GSTM5: variants seen among roughly 807,000 people sequenced by gnomAD.
GSTM5 encodes glutathione S-transferase mu 5.
A neutral mutation model predicts 29.0 loss-of-function variants in GSTM5; 24 were observed. That is an observed-to-expected ratio of 0.83 (90% CI 0.60 to 1.16). GSTM5 has a LOEUF of 1.16. Ranked by LOEUF, GSTM5 falls within the 50% of genes most tolerant of loss-of-function variation. The pLI is 0.00. For missense variants in GSTM5, 290 were observed against 263.0 expected (o/e 1.10, Z -0.71); for synonymous variants, 91 against 93.6 (o/e 0.97, Z 0.16).
In GSTM5 at chr1:109,713,671, A is replaced by G. The variant is rs1293742033; in HGVS notation, c.270A>G (p.Thr90=). Residue 90 remains threonine, a synonymous_variant, in exon 5 of 8, where the codon ACA becomes ACG. Coordinates refer to ENST00000256593, the MANE Select transcript of GSTM5 (RefSeq NM_000851.4). ...IARKHNLCGE[T]EEEKIRVDIL... ...TTTTGTGGGTGGCAGGTGGGGAGACAGAAGAGGAGAAGATTCGTGTGGACA... is the reference window on the plus strand; with the variant it reads ...TTTTGTGGGTGGCAGGTGGGGAGACGGAAGAGGAGAAGATTCGTGTGGACA... 1 of 1,614,084 alleles carries G rather than the reference A, an allele frequency of 6.2e-7. No homozygotes were observed. Among genetic ancestry groups the G allele is most frequent in the Non-Finnish European group, 8.5e-7 (1 of 1,180,044 alleles).
At chr1:109,712,905 C>A in intron 2 of GSTM5, 1 of 840,700 alleles carries the variant, frequency 1.2e-6, no homozygotes. Flanking sequence ...GTTGGGTGTC[C>A]CTCAGAGCTT....
At position 109,712,647 on chromosome 1, in the gene GSTM5, A is replaced by G; in HGVS notation, c.66A>G (p.Glu22=). 6.2e-7 allele frequency: 1 copy of G among 1,614,182 alleles called. No homozygotes were observed. The highest frequency in any genetic ancestry group is 8.5e-7 in the Non-Finnish European group (1 of 1,180,024). Reference sequence around the variant, plus strand: ...CCCACGCCATCCGCTTGCTCCTGGAATACACAGACTCAAGCTATGTGGAAA... The same window carrying G: ...CCCACGCCATCCGCTTGCTCCTGGAGTACACAGACTCAAGCTATGTGGAAA... ...GLAHAIRLLL[E]YTDSSYVEKK... The change falls in exon 2 of 8, where the codon GAA becomes GAG. Residue 22 remains glutamate, a synonymous_variant. Transcript: ENST00000256593.
chr1:109,713,376 G>C (rs2101313277), intron 3 of GSTM5, 108 bp from the exon 4 acceptor site: 1 of 1,498,252 alleles, frequency 6.7e-7, no homozygotes. Flanking sequence ...TTCTATCTCA[G>C]GCCTGCCATG....
intron 5 of GSTM5, 170 bp from the exon 6 acceptor site, chr1:109,714,777 T>A: frequency 1.5e-6 from 1 of 668,616 alleles, no homozygotes; most frequent in East Asian, 2.6e-5. Flanking sequence ...CCAGTCAGAG[T>A]CTAATAAATG....
chr1:109,712,792 G>A (rs780327768), intron 2 of GSTM5, 99 bp downstream of exon 2: 5 of 1,344,790 alleles, frequency 3.7e-6, no homozygotes, highest in Non-Finnish European at 5.3e-6. Flanking sequence ...GGCCTCCCCT[G>A]CTGGAGCTGC....
rs750712026 is a variant in GSTM5, at chr1:109,712,678, T to C, written c.97T>C (p.Tyr33His). The C allele has an allele frequency of 6.2e-7, 1 of 1,614,120 alleles. No homozygotes were observed. Among genetic ancestry groups the C allele is most frequent in the Non-Finnish European group, 8.5e-7 (1 of 1,180,002 alleles). The change falls in exon 2 of 8, where the codon TAC becomes CAC. Residue 33 changes from tyrosine to histidine, a missense_variant. Transcript: ENST00000256593. ...AGACTCAAGCTATGTGGAAAAGAAG[T>C]ACACGCTGGGGGACGGTAATGGCAC... ...YTDSSYVEKK[Y>H]TLGDAPDYDR...
In GSTM5 at chr1:109,712,698, T is replaced by C. The variant is rs868017653; in HGVS notation, c.112+5T>C. ...AGAAGTACACGCTGGGGGACGGTAA[T>C]GGCACCCTCGTGTCCGGGCCCTGCC... is the stretch of plus-strand genomic sequence containing the variant. On this transcript the variant is annotated splice_donor_5th_base_variant and intron_variant, in intron 2 of 7. Coordinates refer to ENST00000256593, the MANE Select transcript of GSTM5 (RefSeq NM_000851.4). 3.1e-6 allele frequency: 5 copies of C among 1,613,888 alleles called. No individual in the cohort carries two copies. Among genetic ancestry groups the C allele is most frequent in the Non-Finnish European group, 4.2e-6 (5 of 1,179,750 alleles).
Position 109,718,199 on chromosome 1 carries a change from A to G in GSTM5, c.*773A>G, listed in dbSNP as rs1458862537. 1.3e-5 allele frequency: 2 copies of G among 152,256 alleles called. No individual in the cohort carries two copies. The highest frequency in any genetic ancestry group is 4.8e-5 in the African/African-American group (2 of 41,434). 9.4% of individuals were successfully genotyped at this position (152,256 alleles called of 1,614,324 possible). The stretch of plus-strand genomic sequence containing the variant: ...GACTGCCTTCTTTCACCCTGTCCTG[A>G]TAGACTTCCCTGATCTAGATATCCT... On this transcript the variant is annotated 3_prime_UTR_variant, in exon 8 of 8. Transcript: ENST00000256593.
intron 7 of GSTM5, chr1:109,715,691 A>C (rs535781897): frequency 2.0e-6 from 1 of 493,614 alleles, no homozygotes. Context: ...TAGGACTGAC[A>C]CACAGTGGCA....
intron 7 of GSTM5, 79 bp from the exon 8 acceptor site, chr1:109,717,258 A>T: frequency 9.3e-7 from 1 of 1,075,970 alleles, no homozygotes; most frequent in Non-Finnish European, 1.4e-6. Context: ...CAGGGCCCTG[A>T]CCTGCTGTGC....
At chr1:109,712,885 G>C in intron 2 of GSTM5, 192 bp downstream of exon 2, 1 of 845,176 alleles carries the variant, frequency 1.2e-6, no homozygotes, top group South Asian at 1.5e-5. Context: ...TGGACACCCT[G>C]TCTAATTGGG....
chr1:109,716,583 T>A (rs1648755090), intron 7 of GSTM5: 1 of 152,896 alleles, frequency 6.5e-6, no homozygotes, highest in African/African-American at 2.4e-5. Context: ...ATAGGGAGAT[T>A]TAGCTCAGGT....
At position 109,717,480 on chromosome 1, in the gene GSTM5, C is replaced by A; in HGVS notation, c.*54C>A. 8.0e-7 allele frequency: 1 copy of A among 1,255,182 alleles called. No homozygotes were observed. Among genetic ancestry groups the A allele is most frequent in the East Asian group, 2.3e-5 (1 of 43,164 alleles). 77.8% of individuals were successfully genotyped at this position (1,255,182 alleles called of 1,614,324 possible). On this transcript the variant is annotated 3_prime_UTR_variant, in exon 8 of 8. Transcript: ENST00000256593. ...AGGAGCCAACCTTGCTGCCTGCGAC[C>A]CTGGAGGACAGCCTGACTCCCTGGA...
Position 109,715,529 on chromosome 1 carries a change from C to T in GSTM5, c.567+289C>T. ...AGCCAGTGGAGGCTGTGCTGGGCTC[C>T]CTGTGAGCCTCTGGATCTATGGGTG... On this transcript the variant is annotated intron_variant, in intron 7 of 7. Transcript: ENST00000256593. The T allele has an allele frequency of 3.5e-6, 5 of 1,439,352 alleles. No homozygotes were observed. In the South Asian group the frequency reaches 7.5e-5, roughly 22 times the overall value. 89.2% of individuals were successfully genotyped at this position (1,439,352 alleles called of 1,614,324 possible). A position where few individuals can be genotyped will look rare whatever the true frequency, so the allele number is the denominator to read the frequency against.
chr1:109,715,847 C>G (rs763227394), intron 7 of GSTM5: 10 of 476,514 alleles, frequency 2.1e-5, no homozygotes, highest in East Asian at 1.2e-4. Flanking sequence ...CCTGTTGAAG[C>G]AGTGTGTGTT....
chr1:109,717,195 C>T (rs944147853), intron 7 of GSTM5, 142 bp from the exon 8 acceptor site: 4 of 637,660 alleles, frequency 6.3e-6, no homozygotes, highest in South Asian at 5.6e-5. Context: ...AGCTGGGGAC[C>T]TAAGAGACCG....
chr1:109,714,547 A>G (rs1648678366), intron 5 of GSTM5: 1 of 225,696 alleles, frequency 4.4e-6, no homozygotes, highest in African/African-American at 2.3e-5. Flanking sequence ...AAACTAGTCA[A>G]TGTTCATTGT....
chr1:109,717,624 A>T lies in GSTM5; in HGVS notation c.*198A>T. 1 of 531,340 alleles carries T rather than the reference A, an allele frequency of 1.9e-6. No homozygotes were observed. 32.9% of individuals were successfully genotyped at this position (531,340 alleles called of 1,614,324 possible). Reference sequence around the variant, plus strand: ...AGGCTCTTTAAAGCTTCAGCTCCCCACTGTCCTCCATCAAAGTCCCCCTCC... The same window carrying T: ...AGGCTCTTTAAAGCTTCAGCTCCCCTCTGTCCTCCATCAAAGTCCCCCTCC... On this transcript the variant is annotated 3_prime_UTR_variant, in exon 8 of 8. Coordinates refer to ENST00000256593, the MANE Select transcript of GSTM5 (RefSeq NM_000851.4).
intron 2 of GSTM5, 116 bp from the exon 3 acceptor site, chr1:109,713,003 T>C (rs1258951562): frequency 1.7e-6 from 2 of 1,170,704 alleles, no homozygotes; most frequent in Admixed American, 3.8e-5. Flanking sequence ...TGGGACTGAG[T>C]GGTCAGATTC....
Sources: gnomAD v4.1 joint callset for allele counts on GRCh38, gnomAD v4.1.1 for gene constraint, MANE v1.5 for transcripts, NCBI Gene and HGNC (gene_info 2026-07-23, HGNC 2026-07-21) for gene names.